Variants in ALG11 observed in about 807,000 individuals in gnomAD.
The protein encoded by ALG11 is ALG11 alpha-1,2-mannosyltransferase.
ALG11 carries 26 observed loss-of-function variants against 38.8 expected under a neutral mutation model. That is an observed-to-expected ratio of 0.67 (90% CI 0.49 to 0.93). ALG11 has a LOEUF of 0.93. ALG11 is among the 40% of genes least tolerant of loss of function. The probability of loss-of-function intolerance (pLI) is 0.00; values close to 1 mark genes in which losing one functional copy is unlikely to be tolerated. For missense variants in ALG11, 535 were observed against 578.8 expected (o/e 0.92, Z 0.78); for synonymous variants, 199 against 211.6 (o/e 0.94, Z 0.52).
intron 2 of ALG11, among the ~76,000 whole-genome samples, chr13:52,019,472 C>T (rs1236488163): frequency 1.3e-5 from 2 of 152,122 alleles, no homozygotes; most frequent in East Asian, 1.9e-4. Context: ...CCGCCCACCT[C>T]GGCCTTCCAA....
At position 52,012,413 on chromosome 13, in the gene ALG11, C is replaced by T; in HGVS notation, c.-6C>T. On this transcript the variant is annotated 5_prime_UTR_variant, in exon 1 of 4. Transcript: ENST00000521508. ...AGCGTTTCCTGAGTTCGGGGGTCGG[C>T]GGAAGATGGCGGCCGGCGAAAGGAG... 1 of 1,614,094 alleles carries T rather than the reference C, an allele frequency of 6.2e-7. No homozygotes were observed. The highest frequency in any genetic ancestry group is 8.5e-7 in the Non-Finnish European group (1 of 1,180,034).
Position 52,028,715 on chromosome 13 carries a change from T to C in ALG11, c.*125T>C. 6.3e-7 allele frequency: 1 copy of C among 1,589,218 alleles called. No individual in the cohort carries two copies. The highest frequency in any genetic ancestry group is 1.3e-5 in the African/African-American group (1 of 74,344). On this transcript the variant is annotated 3_prime_UTR_variant, in exon 4 of 4. Transcript: ENST00000521508. Reference sequence around the variant, plus strand: ...ACTTTAGAAAACAGACAAAATTTCCTTTTAGAATAAAAGGAAGTGTTGAAA... The same window carrying C: ...ACTTTAGAAAACAGACAAAATTTCCCTTTAGAATAAAAGGAAGTGTTGAAA...
rs1954303079 is a variant in ALG11, at chr13:52,031,387, C to A, written c.*2797C>A. ...ATTTCCTTAAAAAAGAAATTTTAAA[C>A]AGACTTGTTTAATCGTGTTCTCAAA... On this transcript the variant is annotated 3_prime_UTR_variant, in exon 4 of 4. Coordinates refer to ENST00000521508, the MANE Select transcript of ALG11 (RefSeq NM_001004127.3). 1 of 419,430 alleles carries A rather than the reference C, an allele frequency of 2.4e-6. No individual in the cohort carries two copies. The highest frequency in any genetic ancestry group is 4.3e-6 in the Non-Finnish European group (1 of 230,034). 26.0% of individuals were successfully genotyped at this position (419,430 alleles called of 1,614,324 possible). A position where few individuals can be genotyped will look rare whatever the true frequency, so the allele number is the denominator to read the frequency against.
In ALG11 at chr13:52,024,589, T is replaced by C. The variant is rs1793749386; in HGVS notation, c.859T>C (p.Phe287Leu). Residue 287 changes from phenylalanine to leucine, a missense_variant, in exon 3 of 4, where the codon TTT becomes CTT. Coordinates refer to ENST00000521508, the MANE Select transcript of ALG11 (RefSeq NM_001004127.3). ...TTATCCACCTTGTGATGTGCAGACATTTCTGGACATTCCCTTACATGAGAA... is the reference window on the plus strand; with the variant it reads ...TTATCCACCTTGTGATGTGCAGACACTTCTGGACATTCCCTTACATGAGAA... ...IVYPPCDVQT[F>L]LDIPLHEKKM... 1.9e-6 allele frequency: 3 copies of C among 1,614,122 alleles called. No individual in the cohort carries two copies. The highest frequency in any genetic ancestry group is 2.5e-6 in the Non-Finnish European group (3 of 1,180,004).
In ALG11 at chr13:52,031,791, C is replaced by G. The variant is rs1954308482; in HGVS notation, c.*3201C>G. The G allele has an allele frequency of 6.0e-6, 1 of 167,118 alleles. No individual in the cohort carries two copies. Among genetic ancestry groups the G allele is most frequent in the Non-Finnish European group, 1.5e-5 (1 of 68,128 alleles). The allele number at this position is 167,118 out of a possible 1,614,324, so 10.4% of individuals were successfully genotyped here. A position where few individuals can be genotyped will look rare whatever the true frequency, so the allele number is the denominator to read the frequency against. On this transcript the variant is annotated 3_prime_UTR_variant, in exon 4 of 4. Transcript: ENST00000521508. ...AGCTTCTTCATTTACAAACTTCTGACCTTTTGACACTAAAGCTGCTCCTTT... is the reference window on the plus strand; with the variant it reads ...AGCTTCTTCATTTACAAACTTCTGAGCTTTTGACACTAAAGCTGCTCCTTT...
Position 52,023,994 on chromosome 13 carries a change from A to G in ALG11, c.276-12A>G, listed in dbSNP as rs753288972. 19 of 1,613,050 alleles carry G rather than the reference A, an allele frequency of 1.2e-5. No individual in the cohort carries two copies. In the East Asian group the frequency reaches 3.6e-4, roughly 30 times the overall value. On this transcript the variant is annotated splice_polypyrimidine_tract_variant and intron_variant, in intron 2 of 3. Transcript: ENST00000521508. The stretch of plus-strand genomic sequence containing the variant: ...AACTTAATATATTCTTAACCATTAC[A>G]TTCTATTTTAGGTATCCTGAAGCAG...
At chr13:52,021,985 T>A (rs910487020) in intron 2 of ALG11, 2 of 152,260 alleles carry the variant, frequency 1.3e-5, no homozygotes, top group African/African-American at 4.8e-5. Flanking sequence ...TTTTGCCATA[T>A]TCTGTTGGTC....
rs1424822876 is a variant in ALG11, at chr13:52,024,059, A to AACAGATACT, written c.331_339dup (p.Gln111_Leu113dup). On this transcript the variant is annotated inframe_insertion, in exon 3 of 4. Transcript: ENST00000521508. The stretch of plus-strand genomic sequence containing the variant: ...ACCGGCGATGTTAATGTCAACGGTC[A>AACAGATACT]ACAGATACTAGAAGGTGCTTTCAGA... 1 of 1,614,072 alleles carries AACAGATACT rather than the reference A, an allele frequency of 6.2e-7. No individual in the cohort carries two copies. The highest frequency in any genetic ancestry group is 1.3e-5 in the African/African-American group (1 of 74,920).
rs556678313 is a variant in ALG11, at chr13:52,023,780, G to A, written c.276-226G>A. 4.7e-4 allele frequency: 145 copies of A among 309,654 alleles called. 1 individual carries two copies. The highest frequency in any genetic ancestry group is 7.6e-4 in the Non-Finnish European group (125 of 164,646). The allele number at this position is 309,654 out of a possible 1,614,324, so 19.2% of individuals were successfully genotyped here. On this transcript the variant is annotated intron_variant, in intron 2 of 3. Coordinates refer to ENST00000521508, the MANE Select transcript of ALG11 (RefSeq NM_001004127.3). ...CAGTCTCGGCTCTCAGTCTCTCAGG[G>A]TAGGTAGCAGGCTTTTTTTTTTTTT...
In ALG11 at chr13:52,029,296, G is replaced by T. The variant is rs376360056; in HGVS notation, c.*706G>T. On this transcript the variant is annotated 3_prime_UTR_variant, in exon 4 of 4. Coordinates refer to ENST00000521508, the MANE Select transcript of ALG11 (RefSeq NM_001004127.3). ...TGGTTTTTCCCCTGGGGAAGGAGCAGCCAGCCATTGCTCCCATTGAACATG... is the reference window on the plus strand; with the variant it reads ...TGGTTTTTCCCCTGGGGAAGGAGCATCCAGCCATTGCTCCCATTGAACATG... The T allele has an allele frequency of 3.1e-6, 5 of 1,614,164 alleles. No homozygotes were observed. In the African/African-American group the frequency reaches 6.7e-5, roughly 22 times the overall value.
rs1290168300 is a variant in ALG11 at position 52,030,786 on chromosome 13, A to C, written c.*2196A>C. 6.2e-7 allele frequency: 1 copy of C among 1,614,210 alleles called. No homozygotes were observed. The highest frequency in any genetic ancestry group is 8.5e-7 in the Non-Finnish European group (1 of 1,180,032). ...CCTGAGGGTCCTCCAAGAAAAGATA[A>C]GAATTTGCCAAATGTGATTATCAGT... On this transcript the variant is annotated 3_prime_UTR_variant, in exon 4 of 4. Coordinates refer to ENST00000521508, the MANE Select transcript of ALG11 (RefSeq NM_001004127.3).
At position 52,019,096 on chromosome 13, in the gene ALG11, A is replaced by G; in HGVS notation, c.228A>G (p.Gly76=). The G allele has an allele frequency of 6.2e-7, 1 of 1,613,070 alleles. No homozygotes were observed. The highest frequency in any genetic ancestry group is 8.5e-7 in the Non-Finnish European group (1 of 1,179,436). Residue 76 remains glycine, a synonymous_variant, in exon 2 of 4, where the codon GGA becomes GGG. Transcript: ENST00000521508. ...TTCATCCATACTGCAATGCTGGTGG[A>G]GGAGGAGAAAGAGTTTTATGGTGTG... The part of the protein sequence containing the change: ...AFFHPYCNAG[G]GGERVLWCAL...
chr13:52,015,208 G>T (rs1954124813), intron 1 of ALG11, among the ~76,000 whole-genome samples: 1 of 152,188 alleles, frequency 6.6e-6, no homozygotes, highest in South Asian at 2.1e-4. Flanking sequence ...TTTGAGACCA[G>T]CCTGGGCAAC....
rs1954268000 is a variant in ALG11 at position 52,028,863 on chromosome 13, A to G, written c.*273A>G. ...TTGAGCCACCAGGAAGAACTAGTGG[A>G]TTTGCCAAAAAACTACCCCTTGAGT... On this transcript the variant is annotated 3_prime_UTR_variant, in exon 4 of 4. Coordinates refer to ENST00000521508, the MANE Select transcript of ALG11 (RefSeq NM_001004127.3). The G allele has an allele frequency of 6.2e-7, 1 of 1,614,226 alleles. No individual in the cohort carries two copies. The highest frequency in any genetic ancestry group is 8.5e-7 in the Non-Finnish European group (1 of 1,180,040).
intron 3 of ALG11, among the ~76,000 whole-genome samples, chr13:52,027,140 T>A (rs879607562): frequency 2.0e-5 from 3 of 151,992 alleles, no homozygotes; most frequent in Non-Finnish European, 4.4e-5. Flanking sequence ...GAGGGAGAAG[T>A]AGAAGCAAAA....
At position 52,032,202 on chromosome 13, in the gene ALG11, A is replaced by G. The variant is rs1021232316; in HGVS notation, c.*3612A>G. 6.4e-6 allele frequency: 1 copy of G among 155,970 alleles called. No individual in the cohort carries two copies. Among genetic ancestry groups the G allele is most frequent in the Non-Finnish European group, 1.5e-5 (1 of 68,076 alleles). 9.7% of individuals were successfully genotyped at this position (155,970 alleles called of 1,614,324 possible). A position where few individuals can be genotyped will look rare whatever the true frequency, so the allele number is the denominator to read the frequency against. On this transcript the variant is annotated 3_prime_UTR_variant, in exon 4 of 4. Coordinates refer to ENST00000521508, the MANE Select transcript of ALG11 (RefSeq NM_001004127.3). ...GTGCCACTGCACTCTAGCCTGGGCA[A>G]TAAGCAAAACTCCATCTCAAAAAAG... is the stretch of plus-strand genomic sequence containing the variant.
intron 1 of ALG11, among the ~76,000 whole-genome samples, chr13:52,015,408 T>TA (rs1463928155): frequency 2.6e-5 from 4 of 152,058 alleles, no homozygotes; most frequent in Admixed American, 6.6e-5. Context: ...ACCCTGTATC[T>TA]AAAAAAAGCA....
intron 1 of ALG11, chr13:52,017,291 G>A (rs1488611044): frequency 6.6e-6 from 1 of 152,170 alleles, no homozygotes; most frequent in East Asian, 1.9e-4. Context: ...ATGAGACTTT[G>A]GACTGTGGAC....
At position 52,029,901 on chromosome 13, in the gene ALG11, A is replaced by G; in HGVS notation, c.*1311A>G. 3.1e-6 allele frequency: 5 copies of G among 1,614,214 alleles called. No homozygotes were observed. Among genetic ancestry groups the G allele is most frequent in the African/African-American group, 2.7e-5 (2 of 75,058 alleles). ...CATGTAGCGAATGAAGTGCAGATGA[A>G]TGTGGACGGACCGAATCCCTGGATG... On this transcript the variant is annotated 3_prime_UTR_variant, in exon 4 of 4. Coordinates refer to ENST00000521508, the MANE Select transcript of ALG11 (RefSeq NM_001004127.3).
Sources: gnomAD v4.1 joint callset for allele counts (sites outside exome capture counted in the v4.1 genomes callset) on GRCh38, gnomAD v4.1.1 for gene constraint, MANE v1.5 for transcripts, NCBI Gene and HGNC (gene_info 2026-07-23, HGNC 2026-07-21) for gene names.